FBLN1: variants seen among roughly 807,000 people sequenced by gnomAD.
FBLN1 encodes fibulin-1.
A neutral mutation model predicts 89.7 loss-of-function variants in FBLN1; 34 were observed. The observed-to-expected ratio is 0.38, with a 90% CI of 0.29 to 0.50. The LOEUF (loss-of-function observed/expected upper bound fraction) is 0.50, where lower values mean the gene tolerates loss of function less well. Among genes scored for constraint, FBLN1 ranks in the 20% least tolerant of loss-of-function variants. The pLI, the probability that FBLN1 is intolerant of heterozygous loss-of-function variation, is 0.92. For missense variants in FBLN1, 777 were observed against 988.1 expected (o/e 0.79, Z 2.86); for synonymous variants, 393 against 391.3 (o/e 1.00, Z -0.05).
intron 1 of FBLN1, among the ~76,000 whole-genome samples, chr22:45,506,003 AGG>A (rs2088015089): frequency 6.6e-6 from 1 of 152,210 alleles, no homozygotes; most frequent in African/African-American, 2.4e-5. Flanking sequence ...TCCTGACCTC[AGG>A]TGATCCACCT....
chr22:45,530,836 T>A lies in FBLN1; in HGVS notation c.485-429T>A, dbSNP rs2088396173. Among the ~76,000 whole-genome samples the A allele has an allele frequency of 6.6e-6, 1 of 152,170 alleles. No individual in the cohort carries two copies. The highest frequency in any genetic ancestry group is 1.5e-5 in the Non-Finnish European group (1 of 68,036). On this transcript the variant is annotated intron_variant, in intron 4 of 16. Transcript: ENST00000327858. The surrounding 1 kb of genome is among the most constrained non-coding windows in gnomAD (Gnocchi z 5.4). ...TGGAGTGCAATGGTGTGATCTTGAC[T>A]CACTGCAACCTCCGACTCCTGAGTT...
At chr22:45,594,981 A>G (rs982174121) in intron 16 of FBLN1, among the ~76,000 whole-genome samples, 2 of 152,292 alleles carry the variant, frequency 1.3e-5, no homozygotes, top group South Asian at 4.1e-4. Context: ...TTTATTTGGC[A>G]TCTATTATGT....
At chr22:45,555,910 T>C (rs1488714812) in intron 14 of FBLN1, among the ~76,000 whole-genome samples, 1 of 152,258 alleles carries the variant, frequency 6.6e-6, no homozygotes, top group African/African-American at 2.4e-5. Context: ...ATAAATCTTA[T>C]GTCACTTGAT....
Position 45,543,416 on chromosome 22 carries a change from A to G in FBLN1, c.1211A>G (p.Gln404Arg). Residue 404 changes from glutamine to arginine, a missense_variant, in exon 11 of 17, where the codon CAG becomes CGG. Coordinates refer to ENST00000327858, the MANE Select transcript of FBLN1 (RefSeq NM_006486.3). ...SRMCVDVNEC[Q>R]RYPGRLCGHK... ...TCACTTTCAGATGTCAACGAGTGCC[A>G]GCGCTACCCCGGGCGCCTGTGTGGC... 6.2e-7 allele frequency: 1 copy of G among 1,613,278 alleles called. No individual in the cohort carries two copies. The highest frequency in any genetic ancestry group is 8.5e-7 in the Non-Finnish European group (1 of 1,180,002).
intron 1 of FBLN1, among the ~76,000 whole-genome samples, chr22:45,505,912 C>T (rs1021032518): frequency 6.6e-6 from 1 of 152,178 alleles, no homozygotes. Context: ...GCTGGGATTG[C>T]AGGCGCCCAT....
At chr22:45,571,111 C>CAA (rs542647353) in intron 14 of FBLN1, among the ~76,000 whole-genome samples, 157 of 70,564 alleles carry the variant, frequency 2.2e-3, no homozygotes, top group Non-Finnish European at 2.6e-3. Flanking sequence ...ACAAGAGTCT[C>CAA]AAAAAAAAAA....
In FBLN1 at chr22:45,574,756, G is replaced by A. The variant is rs2088980312; in HGVS notation, c.1840+103G>A. On this transcript the variant is annotated intron_variant, in intron 15 of 16. Coordinates refer to ENST00000327858, the MANE Select transcript of FBLN1 (RefSeq NM_006486.3). This position sits in a 1 kb window ranked among gnomAD's most constrained non-coding sequence, Gnocchi z 4.1. ...GTTGTTCCTTGTAAGATGTGGCCCAGGCTTTGAAATGCAGAACTTTCTTTT... is the reference window on the plus strand; with the variant it reads ...GTTGTTCCTTGTAAGATGTGGCCCAAGCTTTGAAATGCAGAACTTTCTTTT... 2 of 913,538 alleles carry A rather than the reference G, an allele frequency of 2.2e-6. No homozygotes were observed. The highest frequency in any genetic ancestry group is 3.0e-5 in the South Asian group (2 of 66,112). 56.6% of individuals were successfully genotyped at this position (913,538 alleles called of 1,614,324 possible).
intron 2 of FBLN1, among the ~76,000 whole-genome samples, chr22:45,519,052 G>C (rs1433473747): frequency 1.4e-4 from 22 of 152,080 alleles, no homozygotes; most frequent in African/African-American, 5.3e-4. Flanking sequence ...AGAAGATCTG[G>C]GCTTGCAGCT....
chr22:45,547,089 C>T lies in FBLN1; in HGVS notation c.1326C>T (p.Ile442=), dbSNP rs764205817. 39 of 1,614,000 alleles carry T rather than the reference C, an allele frequency of 2.4e-5. No homozygotes were observed. Among genetic ancestry groups the T allele is most frequent in the Non-Finnish European group, 6.8e-6 (8 of 1,180,036 alleles). Residue 442 remains isoleucine (I), a synonymous_variant, in exon 12 of 17, where the codon ATC becomes ATT. Transcript: ENST00000327858. ...LSVDGRSCED[I]NECSSSPCSQ... Reference sequence around the variant, plus strand: ...GACCCTCGTTTTGTATTTCAGACATCAATGAGTGCAGCAGCAGCCCCTGTA... The same window carrying T: ...GACCCTCGTTTTGTATTTCAGACATTAATGAGTGCAGCAGCAGCCCCTGTA...
Position 45,576,119 on chromosome 22 carries a change from T to C in FBLN1, c.1841-858T>C, listed in dbSNP as rs992624922. Reference sequence around the variant, plus strand: ...CCAGTCCCAGTCCCCCTAGGTTTGCTCCTCCCGAAAAGGAATAACGCTGAA... The same window carrying C: ...CCAGTCCCAGTCCCCCTAGGTTTGCCCCTCCCGAAAAGGAATAACGCTGAA... On this transcript the variant is annotated intron_variant, in intron 15 of 16. Transcript: ENST00000327858. This position sits in a 1 kb window ranked among gnomAD's most constrained non-coding sequence, Gnocchi z 5.2. Among the ~76,000 whole-genome samples the C allele has an allele frequency of 6.6e-6, 1 of 152,110 alleles. No individual in the cohort carries two copies. The highest frequency in any genetic ancestry group is 1.5e-5 in the Non-Finnish European group (1 of 68,012).
At chr22:45,527,749 G>C in intron 3 of FBLN1, 98 bp from the exon 4 acceptor site, 1 of 1,259,710 alleles carries the variant, frequency 7.9e-7, no homozygotes, top group Non-Finnish European at 1.2e-6. Context: ...CAGGTTGTGT[G>C]GACAGGGGGC....
At chr22:45,559,413 G>A (rs757698928) in intron 14 of FBLN1, among the ~76,000 whole-genome samples, 7 of 152,190 alleles carry the variant, frequency 4.6e-5, no homozygotes, top group Non-Finnish European at 1.0e-4. Context: ...ATCCCTCCGG[G>A]AATACGATAT....
intron 1 of FBLN1, among the ~76,000 whole-genome samples, chr22:45,507,045 GA>G (rs1015455124): frequency 3.9e-5 from 6 of 152,200 alleles, no homozygotes; most frequent in African/African-American, 1.4e-4. Context: ...AACAGGGTGG[GA>G]GGGGGGAACC....
At position 45,557,937 on chromosome 22, in the gene FBLN1, T is replaced by G. The variant is rs2088809268; in HGVS notation, c.1697+7322T>G. On this transcript the variant is annotated intron_variant, in intron 14 of 16. Transcript: ENST00000327858. This position sits in a 1 kb window ranked among gnomAD's most constrained non-coding sequence, Gnocchi z 4.9. Reference sequence around the variant, plus strand: ...TTGAAGTTCTGCCCACTGGGAAGATTTCCCTTTGCCACTGTCCTTCAGGGA... The same window carrying G: ...TTGAAGTTCTGCCCACTGGGAAGATGTCCCTTTGCCACTGTCCTTCAGGGA... 1.6e-6 allele frequency: 1 copy of G among 643,802 alleles called. No individual in the cohort carries two copies. The highest frequency in any genetic ancestry group is 2.2e-5 in the Admixed American group (1 of 45,552). 39.9% of individuals were successfully genotyped at this position (643,802 alleles called of 1,614,324 possible).
intron 1 of FBLN1, among the ~76,000 whole-genome samples, chr22:45,513,579 T>C (rs976154192): frequency 6.6e-5 from 10 of 150,498 alleles, no homozygotes; most frequent in Admixed American, 6.6e-4. Context: ...TGTACAATCA[T>C]CACCACCTCC....
At chr22:45,503,153 C>CG (rs1471489279) in intron 1 of FBLN1, 89 bp downstream of exon 1, 1 of 845,790 alleles carries the variant, frequency 1.2e-6, no homozygotes, top group Non-Finnish European at 1.4e-6. Context: ...CACGGGGACT[C>CG]GGAGTCCGTG....
At position 45,577,132 on chromosome 22, in the gene FBLN1, C is replaced by T; in HGVS notation, c.1972+24C>T. The T allele has an allele frequency of 6.2e-7, 1 of 1,613,320 alleles. No homozygotes were observed. The highest frequency in any genetic ancestry group is 8.5e-7 in the Non-Finnish European group (1 of 1,179,794). ...GGGTGAGTGGCTGGGAATATCAGCT[C>T]TATCCAGGCACCCCTCCCCCTCCAC... On this transcript the variant is annotated intron_variant, in intron 16 of 16. Coordinates refer to ENST00000327858, the MANE Select transcript of FBLN1 (RefSeq NM_006486.3). This position sits in a 1 kb window ranked among gnomAD's most constrained non-coding sequence, Gnocchi z 6.6.
In FBLN1 at chr22:45,577,139, G is replaced by C. The variant is rs1471929447; in HGVS notation, c.1972+31G>C. On this transcript the variant is annotated intron_variant, in intron 16 of 16. Transcript: ENST00000327858. The surrounding 1 kb of genome is among the most constrained non-coding windows in gnomAD (Gnocchi z 6.6). Reference sequence around the variant, plus strand: ...TGGCTGGGAATATCAGCTCTATCCAGGCACCCCTCCCCCTCCACCCCGAAA... The same window carrying C: ...TGGCTGGGAATATCAGCTCTATCCACGCACCCCTCCCCCTCCACCCCGAAA... 15 of 1,612,612 alleles carry C rather than the reference G, an allele frequency of 9.3e-6. No homozygotes were observed. The highest frequency in any genetic ancestry group is 1.3e-5 in the Non-Finnish European group (15 of 1,179,652).
At chr22:45,542,046 G>A in intron 9 of FBLN1, 109 bp from the exon 10 acceptor site, 2 of 1,511,610 alleles carry the variant, frequency 1.3e-6, no homozygotes, top group Admixed American at 3.3e-5. Flanking sequence ...GAAATGGAAT[G>A]CCTGTTTCCA....
Sources: allele counts gnomAD v4.1 joint callset (sites outside exome capture counted in the v4.1 genomes callset), GRCh38; gene constraint gnomAD v4.1.1; non-coding constraint Gnocchi (gnomAD v3.1); transcripts MANE v1.5; gene names NCBI Gene and HGNC (gene_info 2026-07-23, HGNC 2026-07-21).